VTA1: variants seen among roughly 807,000 people sequenced by gnomAD.
VTA1 encodes vesicle trafficking 1.
VTA1 carries 24 observed loss-of-function variants against 36.9 expected under a neutral mutation model. That is an observed-to-expected ratio of 0.65 (90% CI 0.47 to 0.91). The LOEUF (loss-of-function observed/expected upper bound fraction) is 0.91, where lower values mean the gene tolerates loss of function less well. Among genes scored for constraint, VTA1 ranks in the 40% least tolerant of loss-of-function variants. The probability of loss-of-function intolerance (pLI) is 0.00; values close to 1 mark genes in which losing one functional copy is unlikely to be tolerated. For synonymous variants in VTA1, 142 were observed against 130.2 expected (o/e 1.09, Z -0.62); for missense variants, 393 against 377.2 (o/e 1.04, Z -0.35).
At chr6:142,176,712 A>C (rs1306907900) in intron 4 of VTA1, among the ~76,000 whole-genome samples, 1 of 152,176 alleles carries the variant, frequency 6.6e-6, no homozygotes, top group African/African-American at 2.4e-5. Flanking sequence ...ACAGATAGAT[A>C]TACAGCATAA....
intron 2 of VTA1, among the ~76,000 whole-genome samples, chr6:142,167,645 T>C (rs1413375734): frequency 6.6e-6 from 1 of 152,164 alleles, no homozygotes; most frequent in East Asian, 1.9e-4. Context: ...GGCAGTAGTG[T>C]TCTCTCTCAC....
At position 142,147,379 on chromosome 6, in the gene VTA1, AC is replaced by A; in HGVS notation, c.95del (p.Pro32LeufsTer16). The A allele has an allele frequency of 6.2e-7, 1 of 1,614,096 alleles. No homozygotes were observed. Among genetic ancestry groups the A allele is most frequent in the Non-Finnish European group, 8.5e-7 (1 of 1,180,000 alleles). ...LRTAQEHDKR[D>X]PVVAYYCRLY... The stretch of plus-strand genomic sequence containing the variant: ...ACGGCTCAGGAGCATGACAAGCGAG[AC>A]CCTGTGGTGGCTTATTACTGTGAGT... On this transcript the variant is annotated frameshift_variant, in exon 1 of 8. Coordinates refer to ENST00000367630, the MANE Select transcript of VTA1 (RefSeq NM_016485.5). LOFTEE classifies it high-confidence loss of function.
intron 7 of VTA1, among the ~76,000 whole-genome samples, chr6:142,214,099 G>A (rs1273256848): frequency 1.3e-5 from 2 of 151,904 alleles, no homozygotes; most frequent in Non-Finnish European, 2.9e-5. Context: ...CTTTGTTCAT[G>A]CATATGAGCC....
At chr6:142,157,478 A>C (rs1428671983) in intron 1 of VTA1, among the ~76,000 whole-genome samples, 2 of 152,258 alleles carry the variant, frequency 1.3e-5, no homozygotes, top group African/African-American at 4.8e-5. Context: ...ACATATATGC[A>C]AACATGAGTT....
In VTA1 at chr6:142,220,416, TAG is replaced by T. The variant is rs1562273934; in HGVS notation, c.*1775_*1776del. On this transcript the variant is annotated 3_prime_UTR_variant, in exon 8 of 8. Coordinates refer to ENST00000367630, the MANE Select transcript of VTA1 (RefSeq NM_016485.5). ...AGCACATAGAGGGAAGGAGACAATA[TAG>T]AAACTACGGAGTCCGCTGGTAGTGG... 1.3e-5 allele frequency: 2 copies of T among 152,030 alleles called. No individual in the cohort carries two copies. Among genetic ancestry groups the T allele is most frequent in the Admixed American group, 6.6e-5 (1 of 15,262 alleles). The allele number at this position is 152,030 out of a possible 1,614,324, so 9.4% of individuals were successfully genotyped here.
intron 4 of VTA1, among the ~76,000 whole-genome samples, chr6:142,188,774 TCC>T (rs1775396109): frequency 1.6e-4 from 25 of 152,292 alleles, no homozygotes; most frequent in Admixed American, 1.2e-3. Flanking sequence ...TTATCTTACA[TCC>T]TGTAACATTA....
intron 6 of VTA1, among the ~76,000 whole-genome samples, chr6:142,202,869 A>G (rs1222165300): frequency 6.6e-6 from 1 of 151,910 alleles, no homozygotes; most frequent in Non-Finnish European, 1.5e-5. Context: ...AAAATTTTTC[A>G]ATTTTTAGTT....
chr6:142,174,834 GTC>G (rs1168035777), intron 4 of VTA1, among the ~76,000 whole-genome samples: 3 of 152,100 alleles, frequency 2.0e-5, no homozygotes, highest in African/African-American at 7.2e-5. Flanking sequence ...AGAGCCTGGC[GTC>G]TCTCTTGCTG....
intron 6 of VTA1, among the ~76,000 whole-genome samples, chr6:142,201,903 A>G (rs1775692721): frequency 6.6e-6 from 1 of 151,972 alleles, no homozygotes; most frequent in African/African-American, 2.4e-5. Context: ...AGTCTGTTTA[A>G]TCACACTTTC....
intron 1 of VTA1, among the ~76,000 whole-genome samples, chr6:142,162,766 T>G (rs225651): frequency 0.36 from 55,254 of 151,988 alleles, 11,336 homozygotes; most frequent in Middle Eastern, 0.53. Context: ...TCTTAAAATG[T>G]AACATCAAAG....
chr6:142,181,089 A>AT (rs2114656259), intron 4 of VTA1, among the ~76,000 whole-genome samples: 7 of 74,354 alleles, frequency 9.4e-5, no homozygotes, highest in South Asian at 4.3e-4. Flanking sequence ...AAAAAAAAAA[A>AT]AAAAAATATA....
chr6:142,184,876 G>A (rs1206098233), intron 4 of VTA1, among the ~76,000 whole-genome samples: 1 of 152,144 alleles, frequency 6.6e-6, no homozygotes, highest in Non-Finnish European at 1.5e-5. Context: ...GTGTGGAAAT[G>A]CTTTATAACC....
intron 5 of VTA1, among the ~76,000 whole-genome samples, chr6:142,197,857 G>A (rs1005101891): frequency 1.3e-4 from 19 of 151,140 alleles, no homozygotes; most frequent in African/African-American, 4.4e-4. Context: ...GGCAGATCAC[G>A]AGGTCCGGAG....
chr6:142,188,691 G>A (rs918689594), intron 4 of VTA1, among the ~76,000 whole-genome samples: 2 of 152,148 alleles, frequency 1.3e-5, no homozygotes, highest in African/African-American at 2.4e-5. Context: ...ATAAAGGTCA[G>A]TGGAAAATAT....
Position 142,216,821 on chromosome 6 carries a change from C to T in VTA1, c.779-1677C>T, listed in dbSNP as rs371644839. Among the ~76,000 whole-genome samples the T allele has an allele frequency of 8.3e-4, 126 of 152,262 alleles. 5 individuals carry two copies. The South Asian group carries it at 0.026, about 31-fold the overall frequency. On this transcript the variant is annotated intron_variant, in intron 7 of 7. Coordinates refer to ENST00000367630, the MANE Select transcript of VTA1 (RefSeq NM_016485.5). ...AAAATAAAGATTAATCTGACCATTA[C>T]AGCCTTCTTTCAGCATGTCCAGTAA... is the stretch of plus-strand genomic sequence containing the variant.
At chr6:142,169,035 C>T (rs1411048768) in intron 2 of VTA1, among the ~76,000 whole-genome samples, 1 of 152,012 alleles carries the variant, frequency 6.6e-6, no homozygotes, top group Non-Finnish European at 1.5e-5. Context: ...TCTCAAAGTA[C>T]TGGGATTACG....
chr6:142,177,966 A>G (rs1460675967), intron 4 of VTA1, among the ~76,000 whole-genome samples: 1 of 152,190 alleles, frequency 6.6e-6, no homozygotes, highest in African/African-American at 2.4e-5. Flanking sequence ...GGAGTCTAAC[A>G]TGTACATTTG....
intron 1 of VTA1, among the ~76,000 whole-genome samples, chr6:142,162,348 A>T (rs1774827050): frequency 6.6e-6 from 1 of 152,178 alleles, no homozygotes; most frequent in African/African-American, 2.4e-5. Flanking sequence ...ACTCTGCTCC[A>T]TGAATGGTAG....
chr6:142,160,301 T>G (rs1774776189), intron 1 of VTA1, among the ~76,000 whole-genome samples: 4 of 152,198 alleles, frequency 2.6e-5, no homozygotes, highest in Non-Finnish European at 5.9e-5. Flanking sequence ...CTCTTCACTC[T>G]CTCTGGTTGG....
Sources: gnomAD v4.1 joint callset for allele counts (sites outside exome capture counted in the v4.1 genomes callset) on GRCh38, gnomAD v4.1.1 for gene constraint, MANE v1.5 for transcripts, NCBI Gene and HGNC (gene_info 2026-07-23, HGNC 2026-07-21) for gene names.